MEI4: variants seen among roughly 807,000 people sequenced by gnomAD.
MEI4 encodes the protein meiosis-specific protein MEI4.
Under a neutral mutation model 31.4 loss-of-function variants are expected in MEI4, and 27 were observed. The observed-to-expected ratio is 0.86, with a 90% CI of 0.63 to 1.19. MEI4 has a LOEUF of 1.19. MEI4 is among the 50% of genes most tolerant of loss of function. The pLI is 0.00. For synonymous variants in MEI4, 122 were observed against 145.4 expected, an observed-to-expected ratio of 0.84 and a Z score of 1.16; for missense variants, 329 against 398.9, an observed-to-expected ratio of 0.82 and a Z score of 1.49.
intron 4 of MEI4, among the ~76,000 whole-genome samples, chr6:77,918,004 T>G (rs1276408650): frequency 7.9e-5 from 12 of 151,888 alleles, no homozygotes; most frequent in Admixed American, 1.3e-4. Context: ...AGTTTTCCCA[T>G]CACCATATAT....
At chr6:77,761,818 G>A (rs772368838) in intron 3 of MEI4, among the ~76,000 whole-genome samples, 153 bp downstream of exon 3, 1 of 152,152 alleles carries the variant, frequency 6.6e-6, no homozygotes, top group East Asian at 1.9e-4. Flanking sequence ...TATCTGTCAT[G>A]ATGTCTCCAC....
intron 4 of MEI4, among the ~76,000 whole-genome samples, chr6:77,855,176 C>T (rs189832258): frequency 4.3e-4 from 65 of 152,080 alleles, no homozygotes; most frequent in Non-Finnish European, 7.4e-4. Flanking sequence ...AACCCTGTCT[C>T]TACTAAAAAA....
chr6:77,856,819 C>G (rs1297486374), intron 4 of MEI4, among the ~76,000 whole-genome samples: 1 of 152,190 alleles, frequency 6.6e-6, no homozygotes, highest in Non-Finnish European at 1.5e-5. Flanking sequence ...GCACTCTCAT[C>G]TTATCCACCT....
intron 4 of MEI4, among the ~76,000 whole-genome samples, chr6:77,899,990 A>T (rs1047545462): frequency 6.6e-6 from 1 of 151,902 alleles, no homozygotes; most frequent in Non-Finnish European, 1.5e-5. Context: ...TTTAAATAAG[A>T]CCTCAAAATA....
intron 3 of MEI4, among the ~76,000 whole-genome samples, chr6:77,776,033 GA>G (rs1768430724): frequency 6.6e-6 from 1 of 151,656 alleles, no homozygotes. Flanking sequence ...TTTTTGATGG[GA>G]TTTTTTTTTC....
Position 77,844,252 on chromosome 6 carries a change from C to T in MEI4, c.900+15190C>T, listed in dbSNP as rs116033083. 9.5e-3 allele frequency among the ~76,000 whole-genome samples: 1,441 copies of T among 152,180 alleles called. 16 individuals are homozygous for T. Among genetic ancestry groups the T allele is most frequent in the African/African-American group, 0.032 (1,338 of 41,530 alleles). ...ACAGTCACCATACACAGTTTTATGC[C>T]TCATGGTATTAATAATTTTTTAAGA... On this transcript the variant is annotated intron_variant, in intron 4 of 4. Transcript: ENST00000684080.
At chr6:77,668,434 T>C (rs569842275) in intron 1 of MEI4, among the ~76,000 whole-genome samples, 10 of 152,214 alleles carry the variant, frequency 6.6e-5, no homozygotes, top group Non-Finnish European at 1.3e-4. Flanking sequence ...GACCCTATCC[T>C]TGGGCAACAG....
chr6:77,874,302 C>T (rs967810654), intron 4 of MEI4, among the ~76,000 whole-genome samples: 4 of 152,118 alleles, frequency 2.6e-5, no homozygotes, highest in African/African-American at 9.7e-5. Context: ...TTGTAGTTCT[C>T]CTTGAAGAGT....
chr6:77,747,005 C>T (rs962307756), intron 2 of MEI4, among the ~76,000 whole-genome samples: 8 of 152,098 alleles, frequency 5.3e-5, no homozygotes, highest in Non-Finnish European at 1.0e-4. Context: ...ATTTCATTTT[C>T]ACACTGCTAT....
chr6:77,882,897 C>T (rs569637526), intron 4 of MEI4, among the ~76,000 whole-genome samples: 1 of 152,112 alleles, frequency 6.6e-6, no homozygotes, highest in Non-Finnish European at 1.5e-5. Flanking sequence ...TTATTAAAAT[C>T]TCAGACTAAA....
rs1766780860 is a variant in MEI4, at chr6:77,924,006, TTAATTAAATATGTTATAA to T, written c.*663_*680del. On this transcript the variant is annotated 3_prime_UTR_variant, in exon 5 of 5. Coordinates refer to ENST00000684080, the MANE Select transcript of MEI4 (RefSeq NM_001322247.2). ...TCAACAAATACTTGTTTCAATTCTG[TTAATTAAATATGTTATAA>T]TAGTCTTGTAATTGTTAAATAGTAT... The T allele has an allele frequency of 1.3e-5, 2 of 151,456 alleles. No homozygotes were observed. The highest frequency in any genetic ancestry group is 4.9e-5 in the African/African-American group (2 of 41,170). The allele number at this position is 151,456 out of a possible 1,614,324, so 9.4% of individuals were successfully genotyped here. A position where few individuals can be genotyped will look rare whatever the true frequency, so the allele number is the denominator to read the frequency against.
intron 4 of MEI4, among the ~76,000 whole-genome samples, chr6:77,911,735 T>A (rs1336265624): frequency 4.7e-5 from 7 of 147,598 alleles, no homozygotes; most frequent in East Asian, 3.9e-4. Context: ...ATATATATAA[T>A]ATATATATAT....
chr6:77,729,430 T>C (rs961037005), intron 2 of MEI4, among the ~76,000 whole-genome samples: 1 of 152,248 alleles, frequency 6.6e-6, no homozygotes, highest in Non-Finnish European at 1.5e-5. Context: ...ATCTGGGTTT[T>C]ACACCCAGTG....
intron 4 of MEI4, among the ~76,000 whole-genome samples, chr6:77,914,734 T>C (rs1352580157): frequency 1.3e-5 from 2 of 152,120 alleles, no homozygotes; most frequent in African/African-American, 4.8e-5. Flanking sequence ...TAATAATATT[T>C]GCTTTGTATA....
intron 2 of MEI4, among the ~76,000 whole-genome samples, chr6:77,731,894 C>T (rs1053482705): frequency 1.3e-5 from 2 of 151,798 alleles, no homozygotes; most frequent in African/African-American, 4.9e-5. Flanking sequence ...AATCCTTTCC[C>T]CAATGCTTGT....
intron 4 of MEI4, among the ~76,000 whole-genome samples, chr6:77,883,744 A>ATATATACATATATATATATACAC (rs1491236242): frequency 1.6e-5 from 2 of 124,974 alleles, no homozygotes; most frequent in African/African-American, 6.7e-5. Context: ...ATATATATAT[A>ATATATACATATATATATATACAC]ACTTTGTCTT....
At chr6:77,659,613 C>A (rs1049069191) in intron 1 of MEI4, among the ~76,000 whole-genome samples, 4 of 151,946 alleles carry the variant, frequency 2.6e-5, no homozygotes, top group Non-Finnish European at 4.4e-5. Context: ...GAGAAGAGGG[C>A]CTGGGAGGAG....
intron 4 of MEI4, among the ~76,000 whole-genome samples, chr6:77,871,460 C>A (rs1238918413): frequency 6.6e-6 from 1 of 151,954 alleles, no homozygotes; most frequent in Non-Finnish European, 1.5e-5. Context: ...AAACCAAATA[C>A]CACATGTTCT....
chr6:77,705,634 A>G (rs1294333632), intron 2 of MEI4, among the ~76,000 whole-genome samples: 1 of 152,200 alleles, frequency 6.6e-6, no homozygotes, highest in Non-Finnish European at 1.5e-5. Context: ...CTGTAGAGGG[A>G]GGCCCAATGT....
Sources: allele counts gnomAD v4.1 joint callset (sites outside exome capture counted in the v4.1 genomes callset), GRCh38; gene constraint gnomAD v4.1.1; transcripts MANE v1.5; gene names NCBI Gene and HGNC (gene_info 2026-07-23, HGNC 2026-07-21).